The following WWOX variants were observed in gnomAD, a reference collection of about 807,000 sequenced individuals.
The protein encoded by WWOX is WW domain-containing oxidoreductase.
Under a neutral mutation model 46.2 loss-of-function variants are expected in WWOX, and 69 were observed. The ratio of observed to expected loss-of-function variants is 1.49; its 90% CI spans 1.23 to 1.82. The LOEUF is 1.82. Ranked by LOEUF, WWOX falls within the 40% of genes most tolerant of loss-of-function variation. The pLI, the probability that WWOX is intolerant of heterozygous loss-of-function variation, is 0.00. For synonymous variants in WWOX, 359 were observed against 202.6 expected, an observed-to-expected ratio of 1.77 and a Z score of -6.56; for missense variants, 919 against 542.6, an observed-to-expected ratio of 1.69 and a Z score of -6.89.
chr16:78,719,155 C>G (rs191402765), intron 8 of WWOX, among the ~76,000 whole-genome samples: 1 of 152,158 alleles, frequency 6.6e-6, no homozygotes, highest in East Asian at 1.9e-4. Flanking sequence ...TGTGGGTGAT[C>G]TCTTTCTTCC....
intron 8 of WWOX, among the ~76,000 whole-genome samples, chr16:78,628,945 T>G (rs1029186984): frequency 5.9e-5 from 9 of 152,166 alleles, no homozygotes; most frequent in Admixed American, 4.6e-4. Flanking sequence ...AGGAGATGTT[T>G]CCGTTCTATT....
chr16:78,216,193 A>G (rs1004059280), intron 5 of WWOX, among the ~76,000 whole-genome samples: 2 of 152,198 alleles, frequency 1.3e-5, no homozygotes, highest in African/African-American at 4.8e-5. Context: ...TAATAAATAT[A>G]TACATAAAAA....
At chr16:79,009,967 A>T (rs1374083416) in intron 8 of WWOX, among the ~76,000 whole-genome samples, 1 of 152,198 alleles carries the variant, frequency 6.6e-6, no homozygotes. Context: ...CAAGTCATTG[A>T]CCTTCTCTGA....
At chr16:78,947,679 G>T (rs564014380) in intron 8 of WWOX, among the ~76,000 whole-genome samples, 10 of 152,174 alleles carry the variant, frequency 6.6e-5, no homozygotes, top group Admixed American at 6.5e-4. Context: ...GTTCAATAAA[G>T]CAATTGCTTT....
At chr16:79,020,342 T>G (rs60586777) in intron 8 of WWOX, among the ~76,000 whole-genome samples, 27,470 of 152,122 alleles carry the variant, frequency 0.18, 2,712 homozygotes, top group East Asian at 0.32. Flanking sequence ...CTATGGAGTC[T>G]TAAGTCCAAC....
intron 6 of WWOX, among the ~76,000 whole-genome samples, chr16:78,403,462 T>C (rs987453839): frequency 3.9e-5 from 6 of 152,338 alleles, no homozygotes; most frequent in Non-Finnish European, 8.8e-5. Flanking sequence ...ATTGCTGCTT[T>C]AGTATTGCTT....
chr16:78,901,007 C>T (rs1348079032), intron 8 of WWOX, among the ~76,000 whole-genome samples: 1 of 152,092 alleles, frequency 6.6e-6, no homozygotes, highest in African/African-American at 2.4e-5. Flanking sequence ...TTGAAGTTTC[C>T]AAGAACATGT....
chr16:78,567,223 G>C (rs766818018), intron 8 of WWOX, among the ~76,000 whole-genome samples: 2 of 152,160 alleles, frequency 1.3e-5, no homozygotes, highest in Non-Finnish European at 2.9e-5. Flanking sequence ...TGAGCTGCCT[G>C]CCAGGGTCTT....
At chr16:78,857,814 A>C (rs4888868) in intron 8 of WWOX, among the ~76,000 whole-genome samples, 104,944 of 151,968 alleles carry the variant, frequency 0.69, 37,143 homozygotes, top group Middle Eastern at 0.83. Context: ...TAGGAGCATA[A>C]ATTGTTTTTG....
At chr16:78,724,078 C>G (rs1236052109) in intron 8 of WWOX, among the ~76,000 whole-genome samples, 2 of 152,144 alleles carry the variant, frequency 1.3e-5, no homozygotes, top group East Asian at 1.9e-4. Context: ...GATCCAACCT[C>G]TTTACCTTGG....
At chr16:78,254,071 T>G (rs956878237) in intron 5 of WWOX, among the ~76,000 whole-genome samples, 9 of 151,960 alleles carry the variant, frequency 5.9e-5, no homozygotes, top group Admixed American at 1.3e-4. Context: ...TCGTGAAGAA[T>G]TCTTCTTTTT....
At chr16:79,153,976 GGATGCACCCCA>G (rs2050331992) in intron 8 of WWOX, among the ~76,000 whole-genome samples, 1 of 152,104 alleles carries the variant, frequency 6.6e-6, no homozygotes, top group South Asian at 2.1e-4. Context: ...TGCTAGCCAT[GGATGCACCCCA>G]GAAGCATTTA....
chr16:78,261,772 G>GTATA (rs1428611663), intron 5 of WWOX, among the ~76,000 whole-genome samples: 8 of 130,010 alleles, frequency 6.2e-5, no homozygotes, highest in Non-Finnish European at 1.1e-4. Flanking sequence ...ATCTATCTAT[G>GTATA]TATCTATCTA....
At chr16:78,704,814 T>G (rs1334940203) in intron 8 of WWOX, among the ~76,000 whole-genome samples, 1 of 152,146 alleles carries the variant, frequency 6.6e-6, no homozygotes, top group Non-Finnish European at 1.5e-5. Flanking sequence ...GGAAAACAAC[T>G]GAGGCTGAGC....
At chr16:78,268,326 C>G (rs151122087) in intron 5 of WWOX, among the ~76,000 whole-genome samples, 69 of 152,276 alleles carry the variant, frequency 4.5e-4, no homozygotes, top group African/African-American at 1.6e-3. Context: ...ATAATCAGAT[C>G]TCTGCAATGT....
intron 8 of WWOX, among the ~76,000 whole-genome samples, chr16:78,445,214 C>CT (rs2083533009): frequency 6.6e-6 from 1 of 152,116 alleles, no homozygotes; most frequent in Non-Finnish European, 1.5e-5. Flanking sequence ...CAGCCTGTGC[C>CT]TTTTTGTAAA....
intron 5 of WWOX, among the ~76,000 whole-genome samples, chr16:78,219,440 T>A (rs542656800): frequency 2.1e-4 from 32 of 152,288 alleles, no homozygotes; most frequent in Admixed American, 3.3e-4. Flanking sequence ...CACAGCCAGA[T>A]AACAACAACA....
intron 8 of WWOX, among the ~76,000 whole-genome samples, chr16:78,719,953 C>G (rs1343718176): frequency 6.6e-6 from 1 of 152,094 alleles, no homozygotes; most frequent in African/African-American, 2.4e-5. Context: ...GTGTTCTATT[C>G]TAAGCTAGTC....
intron 5 of WWOX, among the ~76,000 whole-genome samples, chr16:78,383,399 T>A (rs1043395782): frequency 6.6e-6 from 1 of 152,138 alleles, no homozygotes; most frequent in Non-Finnish European, 1.5e-5. Flanking sequence ...CAAATAAAAG[T>A]TAACAACCAG....
Sources: gnomAD v4.1 joint callset for allele counts (sites outside exome capture counted in the v4.1 genomes callset) on GRCh38, gnomAD v4.1.1 for gene constraint, MANE v1.5 for transcripts, NCBI Gene and HGNC (gene_info 2026-07-23, HGNC 2026-07-21) for gene names.